PER2: variants seen among roughly 807,000 people sequenced by gnomAD.
PER2 encodes the protein period circadian regulator 2, also known as period circadian protein homolog 2.
In PER2, 66 loss-of-function variants were observed where a neutral mutation model predicts 121.0. The observed-to-expected ratio is 0.55, with a 90% CI of 0.45 to 0.67. The LOEUF (loss-of-function observed/expected upper bound fraction) is 0.67. Ranked by LOEUF, PER2 falls within the 30% of genes least tolerant of loss-of-function variation. The pLI, the probability that PER2 is intolerant of heterozygous loss-of-function variation, is 0.00. For missense variants in PER2, 1,521 were observed against 1,635.0 expected (o/e 0.93, Z 1.20); for synonymous variants, 684 against 659.9 (o/e 1.04, Z -0.56).
chr2:238,270,616 G>C (rs1160596362), intron 6 of PER2, among the ~76,000 whole-genome samples: 1 of 152,246 alleles, frequency 6.6e-6, no homozygotes, highest in East Asian at 1.9e-4. Flanking sequence ...GCCCTGAGGA[G>C]AGTGGGGGTC....
intron 17 of PER2, among the ~76,000 whole-genome samples, chr2:238,256,112 C>T (rs976253092): frequency 6.6e-6 from 1 of 152,260 alleles, no homozygotes; most frequent in Admixed American, 6.5e-5. Context: ...AGCAGGACAG[C>T]CCTGACAGCC....
chr2:238,293,306 C>G (rs1336228870), upstream of PER2, among the ~76,000 whole-genome samples: 3 of 152,080 alleles, frequency 2.0e-5, no homozygotes, highest in Non-Finnish European at 4.4e-5. Flanking sequence ...TATACATATC[C>G]TCTTTATTGC....
intron 4 of PER2, among the ~76,000 whole-genome samples, chr2:238,274,383 T>C (rs774359318): frequency 6.6e-6 from 1 of 152,256 alleles, no homozygotes; most frequent in Non-Finnish European, 1.5e-5. Context: ...CGCGTGTGCT[T>C]CCTGCAATGT....
chr2:238,262,339 G>A lies in PER2; in HGVS notation c.1159C>T (p.Gln387Ter). 2 of 1,614,056 alleles carry A rather than the reference G, an allele frequency of 1.2e-6. No homozygotes were observed. Among genetic ancestry groups the A allele is most frequent in the East Asian group, 2.2e-5 (1 of 44,872 alleles). Residue 387 changes from glutamine (Q) to a stop codon, truncating the protein, a stop_gained, in exon 11 of 23, where the codon CAG becomes TAG. Transcript: ENST00000254657. LOFTEE classifies it high-confidence loss of function. ...TAGTCGAAAGGCTGCCCGCCTGACT[G>A]CAGGACTAGGAGAGCAAAAGCCAGC... ...LMLAIHKKILQSGGQPFDYSP... is the reference protein window; with the variant it reads ...LMLAIHKKIL
intron 12 of PER2, 131 bp downstream of exon 12, chr2:238,261,598 G>C (rs1271557322): frequency 1.4e-6 from 1 of 707,410 alleles, no homozygotes; most frequent in Admixed American, 2.0e-5. Flanking sequence ...CTGTCCCCTG[G>C]GGGATGTTCA....
chr2:238,297,411 C>T, the PER2 span, among the ~76,000 whole-genome samples: 1 of 152,098 alleles, frequency 6.6e-6, no homozygotes, highest in Non-Finnish European at 1.5e-5. Flanking sequence ...CTGGTCCACC[C>T]GGCAGGGCCT....
chr2:238,290,791 G>A (rs1017093280), upstream of PER2, among the ~76,000 whole-genome samples: 1 of 152,136 alleles, frequency 6.6e-6, no homozygotes, highest in African/African-American at 2.4e-5. Context: ...ATGTAGAAGG[G>A]GGGAGGAGGC....
intron 21 of PER2, among the ~76,000 whole-genome samples, chr2:238,249,946 C>T (rs949969064): frequency 3.3e-5 from 5 of 152,184 alleles, no homozygotes; most frequent in Non-Finnish European, 5.9e-5. Flanking sequence ...TATAAATTAC[C>T]CAATCTCAGG....
intron 9 of PER2, among the ~76,000 whole-genome samples, chr2:238,264,775 A>G (rs1696043406): frequency 6.6e-6 from 1 of 152,088 alleles, no homozygotes; most frequent in Admixed American, 6.5e-5. Context: ...GGTGCACACC[A>G]CCACACCCAG....
the PER2 span, chr2:238,299,912 T>C: frequency 1.3e-5 from 2 of 152,270 alleles, no homozygotes; most frequent in African/African-American, 4.8e-5. Context: ...GAGAGGCATA[T>C]GCTCAGCTCT....
At chr2:238,275,173 G>C (rs1404997937) in intron 4 of PER2, among the ~76,000 whole-genome samples, 2 of 152,070 alleles carry the variant, frequency 1.3e-5, no homozygotes, top group African/African-American at 4.8e-5. Context: ...TAATGTACAA[G>C]ATCCACCAGC....
chr2:238,273,217 G>A, intron 4 of PER2, 26 bp from the exon 5 acceptor site: 2 of 1,609,968 alleles, frequency 1.2e-6, no homozygotes, highest in Non-Finnish European at 1.7e-6. Context: ...TGTTCACTCA[G>A]TGGGCAGAAC....
At chr2:238,264,710 G>C (rs1187202765) in intron 9 of PER2, among the ~76,000 whole-genome samples, 2 of 152,056 alleles carry the variant, frequency 1.3e-5, no homozygotes, top group African/African-American at 2.4e-5. Flanking sequence ...CCGTAGCCTT[G>C]AACTCCTAGG....
At position 238,268,118 on chromosome 2, in the gene PER2, T is replaced by G; in HGVS notation, c.905A>C (p.Gln302Pro). 1 of 1,614,034 alleles carries G rather than the reference T, an allele frequency of 6.2e-7. No homozygotes were observed. The highest frequency in any genetic ancestry group is 8.5e-7 in the Non-Finnish European group (1 of 1,179,946). ...GCAGCAAAGCTGACTCTCAGCACCTTGTTGGTCCCGCACCTTGACCAGGTA... is the reference window on the plus strand; with the variant it reads ...GCAGCAAAGCTGACTCTCAGCACCTGGTTGGTCCCGCACCTTGACCAGGTA... ...TPYLVKVRDQ[Q>P]GAESQLCCLL... The change falls in exon 8 of 23, where the codon CAA becomes CCA. Residue 302 changes from glutamine to proline, a missense_variant. By Grantham distance (76) the Gln-to-Pro change is moderately conservative (BLOSUM62 -1). Transcript: ENST00000254657. This position sits in a 1 kb window ranked among gnomAD's most constrained non-coding sequence, Gnocchi z 4.0.
At chr2:238,285,345 G>C (rs1056906912) in intron 1 of PER2, among the ~76,000 whole-genome samples, 1 of 152,204 alleles carries the variant, frequency 6.6e-6, no homozygotes, top group African/African-American at 2.4e-5. Flanking sequence ...GCAGCTGGTG[G>C]GGGTGGGGAA....
At chr2:238,270,449 G>T (rs561546221) in intron 6 of PER2, among the ~76,000 whole-genome samples, 22 of 152,130 alleles carry the variant, frequency 1.4e-4, no homozygotes, top group East Asian at 1.9e-4. Context: ...CTTAGATCTA[G>T]GTCTTTCATA....
At chr2:238,272,992 GGCC>G in intron 5 of PER2, 75 bp downstream of exon 5, 1 of 1,387,312 alleles carries the variant, frequency 7.2e-7, no homozygotes, top group East Asian at 2.3e-5. Flanking sequence ...TACAGCCACC[GGCC>G]GCAGTGCTGA....
At chr2:238,255,479 C>A in intron 18 of PER2, 178 bp downstream of exon 18, 2 of 677,684 alleles carry the variant, frequency 3.0e-6, no homozygotes, top group Admixed American at 2.2e-5. Flanking sequence ...CCCGAGAGCA[C>A]CCCCCCGGTG....
intron 6 of PER2, among the ~76,000 whole-genome samples, chr2:238,270,078 T>G (rs974840989): frequency 4.6e-5 from 7 of 152,228 alleles, no homozygotes; most frequent in African/African-American, 1.7e-4. Flanking sequence ...AAGTCCCTGT[T>G]AAATATTTCT....
Sources: gnomAD v4.1 joint callset for allele counts (sites outside exome capture counted in the v4.1 genomes callset) on GRCh38, gnomAD v4.1.1 for gene constraint, Gnocchi (gnomAD v3.1) non-coding constraint, MANE v1.5 for transcripts, NCBI Gene and HGNC (gene_info 2026-07-23, HGNC 2026-07-21) for gene names.